HK2: variants seen among roughly 807,000 people sequenced by gnomAD.
HK2 encodes the protein hexokinase 2.
In HK2, 42 loss-of-function variants were observed where a neutral mutation model predicts 92.9. The ratio of observed to expected loss-of-function variants is 0.45; its 90% confidence interval spans 0.35 to 0.58. The LOEUF (loss-of-function observed/expected upper bound fraction) is 0.58. Ranked by LOEUF, HK2 falls within the 20% of genes least tolerant of loss-of-function variation. The pLI, the probability that HK2 is intolerant of heterozygous loss-of-function variation, is 0.00. For synonymous variants in HK2, 422 were observed against 468.0 expected (o/e 0.90, Z 1.27); for missense variants, 978 against 1,245.1 (o/e 0.79, Z 3.23).
Position 74,873,261 on chromosome 2 carries a change from T to TC in HK2, c.496-15_496-14insC. Reference sequence around the variant, plus strand: ...TTAGTGGGAAATCAATATTCACTTCTTGGTCCCTTTCCAGAGTTTCCTGGT... The same window carrying TC: ...TTAGTGGGAAATCAATATTCACTTCTCTGGTCCCTTTCCAGAGTTTCCTGGT... On this transcript the variant is annotated splice_polypyrimidine_tract_variant and intron_variant, in intron 4 of 17. Transcript: ENST00000290573. 1 of 1,590,858 alleles carries TC rather than the reference T, an allele frequency of 6.3e-7. No homozygotes were observed. Among genetic ancestry groups the TC allele is most frequent in the Non-Finnish European group, 8.6e-7 (1 of 1,158,800 alleles).
chr2:74,843,642 C>A (rs1688367565), intron 1 of HK2, among the ~76,000 whole-genome samples: 1 of 152,180 alleles, frequency 6.6e-6, no homozygotes, highest in South Asian at 2.1e-4. Context: ...CCTGCCTTTC[C>A]ACCATTTCTG....
intron 1 of HK2, among the ~76,000 whole-genome samples, chr2:74,849,772 A>G (rs1399158793): frequency 6.6e-6 from 1 of 152,180 alleles, no homozygotes; most frequent in African/African-American, 2.4e-5. Flanking sequence ...ATGTGGGGCT[A>G]TTCATCCTGT....
intron 3 of HK2, 145 bp downstream of exon 3, chr2:74,867,929 T>G: frequency 2.2e-6 from 2 of 904,664 alleles, no homozygotes; most frequent in South Asian, 1.3e-5. Flanking sequence ...AAGGGCTCCC[T>G]CTCAGCCGGA....
intron 1 of HK2, among the ~76,000 whole-genome samples, chr2:74,844,450 A>C (rs1688387957): frequency 6.6e-6 from 1 of 152,236 alleles, no homozygotes; most frequent in Non-Finnish European, 1.5e-5. Flanking sequence ...GGAGGAAAGC[A>C]CTATCAGTAG....
intron 2 of HK2, among the ~76,000 whole-genome samples, chr2:74,865,088 A>C (rs1005880068): frequency 1.3e-5 from 2 of 152,106 alleles, no homozygotes; most frequent in African/African-American, 2.4e-5. Flanking sequence ...TTGCCGAGTC[A>C]CAGTGCTAGG....
In HK2 at chr2:74,893,306, CTA is replaced by C. The variant is rs1689727952; in HGVS notation, c.*2367_*2368del. 1 of 152,116 alleles carries C rather than the reference CTA, an allele frequency of 6.6e-6. No homozygotes were observed. The highest frequency in any genetic ancestry group is 2.1e-4 in the South Asian group (1 of 4,826). 9.4% of individuals were successfully genotyped at this position (152,116 alleles called of 1,614,324 possible). On this transcript the variant is annotated 3_prime_UTR_variant, in exon 18 of 18. Coordinates refer to ENST00000290573, the MANE Select transcript of HK2 (RefSeq NM_000189.5). ...TACAATACATAACTAGTTTAATTAA[CTA>C]TGTGATGTTAACTATTATTAATAAA...
chr2:74,836,724 T>G (rs1318452982), intron 1 of HK2, among the ~76,000 whole-genome samples: 3 of 152,234 alleles, frequency 2.0e-5, no homozygotes, highest in Admixed American at 6.5e-5. Context: ...AGCTGTTTGA[T>G]TCCAGTGGCA....
At chr2:74,866,599 C>T (rs1241030901) in intron 2 of HK2, among the ~76,000 whole-genome samples, 1 of 152,222 alleles carries the variant, frequency 6.6e-6, no homozygotes, top group Non-Finnish European at 1.5e-5. Flanking sequence ...CCTGTCTACA[C>T]TGCTGTTTCC....
At chr2:74,841,318 G>A (rs760007720) in intron 1 of HK2, among the ~76,000 whole-genome samples, 243 of 151,740 alleles carry the variant, frequency 1.6e-3, no homozygotes, top group Non-Finnish European at 3.0e-3. Context: ...GGGTGAGTGT[G>A]TGTTACTGAT....
At chr2:74,874,188 G>C in intron 6 of HK2, 78 bp from the exon 7 acceptor site, 1 of 1,572,284 alleles carries the variant, frequency 6.4e-7, no homozygotes. Context: ...GGGCAGTCTC[G>C]GGACAGTAGT....
At chr2:74,845,670 G>A (rs1452190958) in intron 1 of HK2, among the ~76,000 whole-genome samples, 2 of 152,250 alleles carry the variant, frequency 1.3e-5, no homozygotes, top group Non-Finnish European at 2.9e-5. Flanking sequence ...GTCAGAGCTG[G>A]CATTGGCCTG....
chr2:74,850,657 C>G (rs149934503), intron 1 of HK2, among the ~76,000 whole-genome samples: 2 of 152,278 alleles, frequency 1.3e-5, no homozygotes, highest in East Asian at 3.9e-4. Flanking sequence ...CCACTGATGG[C>G]ACTGTGGGTG....
intron 1 of HK2, among the ~76,000 whole-genome samples, 166 bp from the exon 2 acceptor site, chr2:74,854,127 A>G (rs1310651914): frequency 6.6e-6 from 1 of 150,784 alleles, no homozygotes; most frequent in Non-Finnish European, 1.5e-5. Flanking sequence ...TTTTTTTTTT[A>G]AGACAAAGTC....
chr2:74,881,864 G>T lies in HK2; in HGVS notation c.1719+5G>T, dbSNP rs201554288. On this transcript the variant is annotated splice_donor_5th_base_variant and intron_variant, in intron 11 of 17. Coordinates refer to ENST00000290573, the MANE Select transcript of HK2 (RefSeq NM_000189.5). Reference sequence around the variant, plus strand: ...ATGCACGGCACCGGGGACGAGGTGAGCAGGGCGGCGCCTTCAGGAGGGGGC... The same window carrying T: ...ATGCACGGCACCGGGGACGAGGTGATCAGGGCGGCGCCTTCAGGAGGGGGC... The T allele has an allele frequency of 4.2e-5, 68 of 1,613,832 alleles. No homozygotes were observed. Among genetic ancestry groups the T allele is most frequent in the Non-Finnish European group, 1.5e-5 (18 of 1,179,856 alleles).
At chr2:74,880,705 C>T in intron 10 of HK2, 136 bp downstream of exon 10, 3 of 882,898 alleles carry the variant, frequency 3.4e-6, no homozygotes, top group Non-Finnish European at 1.8e-6. Flanking sequence ...CTAGGGAGTT[C>T]TAGTCTTTGA....
At chr2:74,872,459 G>A in intron 4 of HK2, 40 bp downstream of exon 4, 5 of 1,612,534 alleles carry the variant, frequency 3.1e-6, no homozygotes, top group Non-Finnish European at 4.2e-6. Flanking sequence ...TTCACTCTTG[G>A]GGCTGGGAGG....
intron 3 of HK2, among the ~76,000 whole-genome samples, chr2:74,869,406 T>C (rs1037001728): frequency 6.6e-6 from 1 of 152,234 alleles, no homozygotes; most frequent in African/African-American, 2.4e-5. Flanking sequence ...GTACTTGGTA[T>C]CAGTATTTTA....
chr2:74,885,845 AAC>A (rs71406901), intron 13 of HK2, among the ~76,000 whole-genome samples: 5,877 of 128,744 alleles, frequency 0.046, 145 homozygotes, highest in Middle Eastern at 0.057. Context: ...AGAGCTGTGA[AAC>A]ACACACACAC....
Position 74,834,176 on chromosome 2 carries a change from A to C in HK2, c.-405A>C. On this transcript the variant is annotated 5_prime_UTR_variant, in exon 1 of 18. Transcript: ENST00000290573. This position sits in a 1 kb window ranked among gnomAD's most constrained non-coding sequence, Gnocchi z 4.2. ...CAGGAGTCCCGGGCTGCCGCTGGCAACATCGTGTCACCCAGCTAAGAAAAT... is the reference window on the plus strand; with the variant it reads ...CAGGAGTCCCGGGCTGCCGCTGGCACCATCGTGTCACCCAGCTAAGAAAAT... 2.8e-6 allele frequency: 1 copy of C among 351,172 alleles called. No individual in the cohort carries two copies. Among genetic ancestry groups the C allele is most frequent in the African/African-American group, 2.1e-5 (1 of 46,700 alleles). 21.8% of individuals were successfully genotyped at this position (351,172 alleles called of 1,614,324 possible).
Sources: allele counts gnomAD v4.1 joint callset (sites outside exome capture counted in the v4.1 genomes callset), GRCh38; gene constraint gnomAD v4.1.1; non-coding constraint Gnocchi (gnomAD v3.1); transcripts MANE v1.5; gene names NCBI Gene and HGNC (gene_info 2026-07-23, HGNC 2026-07-21).